PCDH11X: variants seen among roughly 807,000 people sequenced by gnomAD.
The protein encoded by PCDH11X is protocadherin 11 X-linked.
Under a neutral mutation model 53.3 loss-of-function variants are expected in PCDH11X, and 18 were observed. That is an observed-to-expected ratio of 0.34 (90% CI 0.23 to 0.50). The LOEUF (loss-of-function observed/expected upper bound fraction) is 0.50, where lower values mean the gene tolerates loss of function less well. Ranked by LOEUF, PCDH11X falls within the 20% of genes least tolerant of loss-of-function variation. PCDH11X has a pLI of 0.98. For synonymous variants in PCDH11X, 279 were observed against 393.3 expected (o/e 0.71, Z 3.44); for missense variants, 570 against 1,032.4 (o/e 0.55, Z 6.14).
intron 6 of PCDH11X, among the ~76,000 whole-genome samples, chrX:91,947,965 C>T (rs1383746768): frequency 9.8e-6 from 1 of 101,835 alleles, no homozygotes; most frequent in South Asian, 4.7e-4. Context: ...ACCAATGTCT[C>T]CTTCCTAATC....
Position 91,835,988 on chromosome X carries a change from G to A in PCDH11X, c.484G>A (p.Ala162Thr), listed in dbSNP as rs1428656868. ...SAINSKYTLP[A>T]AVDPDVGING... is the part of the protein sequence containing the mutation. ...TATAAACTCTAAATATACTCTCCCA[G>A]CGGCTGTTGATCCTGACGTAGGAAT... is the stretch of plus-strand genomic sequence containing the variant. Residue 162 changes from alanine (A) to threonine (T), a missense_variant, in exon 5 of 11, where the codon GCG (alanine) becomes ACG (threonine). Around this residue, in one of 6 missense-constraint regions of PCDH11X, gnomAD observed 84 missense variants for 142.0 expected, o/e 0.59. Transcript: ENST00000682573. 8 of 1,211,147 alleles carry A rather than the reference G, an allele frequency of 6.6e-6. No individual in the cohort carries two copies. Among genetic ancestry groups the A allele is most frequent in the Non-Finnish European group, 7.8e-6 (7 of 895,348 alleles).
At chrX:92,000,299 G>C (rs1281645416) in intron 6 of PCDH11X, among the ~76,000 whole-genome samples, 1 of 111,600 alleles carries the variant, frequency 9.0e-6, no homozygotes, top group Admixed American at 9.6e-5. Flanking sequence ...GATTTGCCAA[G>C]GTGCCAGTGG....
At chrX:92,125,765 A>G (rs1411677448) in intron 6 of PCDH11X, among the ~76,000 whole-genome samples, 1 of 110,168 alleles carries the variant, frequency 9.1e-6, no homozygotes, top group East Asian at 2.8e-4. Flanking sequence ...CGTCATTTAC[A>G]TTAGGTATAT....
At chrX:92,138,362 G>A (rs990254972) in intron 6 of PCDH11X, among the ~76,000 whole-genome samples, 1 of 110,090 alleles carries the variant, frequency 9.1e-6, no homozygotes, top group Non-Finnish European at 1.9e-5. Context: ...AAACTGGCAT[G>A]TCCTCAGTTT....
intron 6 of PCDH11X, among the ~76,000 whole-genome samples, chrX:92,105,669 G>T (rs1464496743): frequency 9.6e-6 from 1 of 104,433 alleles, no homozygotes; most frequent in Admixed American, 1.0e-4. Flanking sequence ...AGGAGTGGGG[G>T]TCGCAAGGTG....
intron 8 of PCDH11X, among the ~76,000 whole-genome samples, chrX:92,364,967 CTTTTTCTATT>C (rs1378297800): frequency 1.2e-5 from 1 of 82,227 alleles, no homozygotes; most frequent in African/African-American, 4.4e-5. Flanking sequence ...ATGCTTTGGG[CTTTTTCTATT>C]TTTTTCTATA....
intron 6 of PCDH11X, among the ~76,000 whole-genome samples, chrX:92,120,735 T>A (rs2148177514): frequency 8.9e-6 from 1 of 111,913 alleles, no homozygotes; most frequent in Admixed American, 9.5e-5. Context: ...AAAGCGACAA[T>A]TACAACATGA....
chrX:92,255,035 T>TCCAA (rs2067540940), intron 7 of PCDH11X, among the ~76,000 whole-genome samples: 1 of 98,213 alleles, frequency 1.0e-5, no homozygotes, highest in Admixed American at 1.1e-4. Flanking sequence ...CTGCAGAGTG[T>TCCAA]TTTCCAACTT....
chrX:91,969,847 G>A (rs1446077664), intron 6 of PCDH11X, among the ~76,000 whole-genome samples: 2 of 109,170 alleles, frequency 1.8e-5, no homozygotes, highest in African/African-American at 6.7e-5. Context: ...GGGGATCATC[G>A]TGTTTGGCAG....
chrX:92,495,931 C>A (rs1358434000), intron 10 of PCDH11X, among the ~76,000 whole-genome samples: 1 of 103,510 alleles, frequency 9.7e-6, no homozygotes, highest in African/African-American at 3.8e-5. Flanking sequence ...GAATACAATT[C>A]AAAATGAGAT....
At chrX:92,283,682 T>A (rs961519537) in intron 8 of PCDH11X, among the ~76,000 whole-genome samples, 1 of 111,848 alleles carries the variant, frequency 8.9e-6, no homozygotes, top group African/African-American at 3.2e-5. Context: ...TATAGTGCCA[T>A]ATGAATTGTT....
At chrX:92,588,513 A>T (rs755481399) in intron 10 of PCDH11X, among the ~76,000 whole-genome samples, 1 of 107,424 alleles carries the variant, frequency 9.3e-6, no homozygotes, top group African/African-American at 3.4e-5. Flanking sequence ...TACAATTGTC[A>T]TACTAAGAAA....
chrX:92,042,741 G>A (rs1355996028), intron 6 of PCDH11X, among the ~76,000 whole-genome samples: 1 of 99,007 alleles, frequency 1.0e-5, no homozygotes, highest in Non-Finnish European at 2.0e-5. Flanking sequence ...GGGTTCAAGC[G>A]ATTCTCTGCC....
At chrX:92,142,455 G>C (rs955298506) in intron 6 of PCDH11X, among the ~76,000 whole-genome samples, 2 of 109,317 alleles carry the variant, frequency 1.8e-5, no homozygotes, top group South Asian at 7.9e-4. Flanking sequence ...CCTGACCTCA[G>C]GTGATCTGCC....
intron 10 of PCDH11X, among the ~76,000 whole-genome samples, chrX:92,594,709 G>C (rs1230891446): frequency 2.8e-5 from 3 of 108,300 alleles, no homozygotes; most frequent in Non-Finnish European, 5.7e-5. Context: ...CATTAAAATA[G>C]AAGAAAGAAC....
chrX:92,087,105 T>C (rs1398057310), intron 6 of PCDH11X, among the ~76,000 whole-genome samples: 1 of 109,671 alleles, frequency 9.1e-6, no homozygotes, highest in African/African-American at 3.3e-5. Context: ...TATTTGTTTA[T>C]TTTTTTGAGA....
intron 9 of PCDH11X, among the ~76,000 whole-genome samples, chrX:92,406,856 G>A (rs2148595891): frequency 9.4e-6 from 1 of 106,425 alleles, no homozygotes; most frequent in Admixed American, 1.0e-4. Flanking sequence ...GAACCCCGGA[G>A]GCAGAGGTTG....
intron 8 of PCDH11X, among the ~76,000 whole-genome samples, chrX:92,368,889 A>T (rs758895561): frequency 9.1e-6 from 1 of 109,964 alleles, no homozygotes; most frequent in East Asian, 2.9e-4. Context: ...CCAGAGGGGC[A>T]CCAGCCTGAT....
At chrX:92,292,879 TA>T (rs2068520405) in intron 8 of PCDH11X, among the ~76,000 whole-genome samples, 1 of 108,722 alleles carries the variant, frequency 9.2e-6, no homozygotes, top group African/African-American at 3.3e-5. Flanking sequence ...TGATTTGAAC[TA>T]AAAGTAATTA....
Sources: allele counts gnomAD v4.1 joint callset (sites outside exome capture counted in the v4.1 genomes callset), GRCh38; gene constraint gnomAD v4.1.1; regional missense constraint gnomAD v4.1.1; transcripts MANE v1.5; gene names NCBI Gene and HGNC (gene_info 2026-07-23, HGNC 2026-07-21).